NBPF14: variants seen among roughly 807,000 people sequenced by gnomAD.
NBPF14 encodes the protein NBPF family member NBPF14.
Under a neutral mutation model 91.2 loss-of-function variants are expected in NBPF14, and 104 were observed. The ratio of observed to expected loss-of-function variants is 1.14; its 90% CI spans 0.97 to 1.34. NBPF14 has a LOEUF of 1.34. Among genes scored for constraint, NBPF14 ranks in the 40% most tolerant of loss-of-function variants. The pLI is 0.00. For missense variants in NBPF14, 908 were observed against 783.0 expected (o/e 1.16, Z -1.91); for synonymous variants, 294 against 303.8 (o/e 0.97, Z 0.34).
chr1:148,534,956 A>G (rs1553332651), intron 68 of NBPF14, 100 bp from the exon 69 acceptor site: 1 of 744,406 alleles, frequency 1.3e-6, no homozygotes, highest in Non-Finnish European at 2.5e-6. Flanking sequence ...GTTTAAAAAG[A>G]AAAAGGACAG....
chr1:148,534,658 T>C (rs781963488), intron 69 of NBPF14, 26 bp downstream of exon 69: 1 of 843,960 alleles, frequency 1.2e-6, no homozygotes, highest in Non-Finnish European at 2.1e-6. Context: ...GGTGGAGGCT[T>C]ATCACCTTCA....
At chr1:148,572,444 G>A (rs1659250157) in exon 21 of NBPF14, 1 of 503,884 alleles carries the variant, frequency 2.0e-6, no homozygotes, top group Non-Finnish European at 3.4e-6. Flanking sequence ...GGTACTCACT[G>A]TCCACGTCAA....
chr1:148,591,594 T>C (rs1662484126), intron 4 of NBPF14, 90 bp from the exon 5 acceptor site: 3 of 1,577,812 alleles, frequency 1.9e-6, no homozygotes, highest in African/African-American at 2.7e-5. Context: ...TGAACATCTA[T>C]GTATGGTTCA....
chr1:148,533,780 T>G lies in NBPF14; in HGVS notation c.8723+81A>C, dbSNP rs1267042099. 3 of 763,754 alleles carry G rather than the reference T, an allele frequency of 3.9e-6. No individual in the cohort carries two copies. The African/African-American group carries it at 5.1e-5, about 13-fold the overall frequency. The allele number at this position is 763,754 out of a possible 1,614,324, so 47.3% of individuals were successfully genotyped here. A position where few individuals can be genotyped will look rare whatever the true frequency, so the allele number is the denominator to read the frequency against. ...TTCAGCCTTTGTTGAAAATATGACA[T>G]CAAACACACTCTGGTTTCCCTGAAT... On this transcript the variant is annotated intron_variant, in intron 70 of 70. Transcript: ENST00000619423.
intron 69 of NBPF14, among the ~76,000 whole-genome samples, chr1:148,534,171 C>A (rs1391835127): frequency 2.7e-5 from 4 of 149,006 alleles, no homozygotes; most frequent in Admixed American, 6.9e-5. Flanking sequence ...GGTAAAATGT[C>A]CCTATTCTAG....
chr1:148,535,256 A>T (rs1558350971), intron 68 of NBPF14, among the ~76,000 whole-genome samples, 197 bp downstream of exon 68: 2 of 150,826 alleles, frequency 1.3e-5, no homozygotes, highest in African/African-American at 4.9e-5. Context: ...TGGTCAACCT[A>T]CAGTAAGTGA....
intron 28 of NBPF14, among the ~76,000 whole-genome samples, chr1:148,566,630 C>G (rs1443922046): frequency 1.4e-5 from 2 of 139,532 alleles, no homozygotes; most frequent in African/African-American, 5.2e-5. Flanking sequence ...GAGTTAGTGC[C>G]CTCAGGACAC....
At chr1:148,559,420 T>C (rs1173384083) in intron 37 of NBPF14, among the ~76,000 whole-genome samples, 1 of 134,162 alleles carries the variant, frequency 7.5e-6, no homozygotes, top group Non-Finnish European at 1.5e-5. Flanking sequence ...TCTCATCAAA[T>C]ACTCAGATTG....
chr1:148,579,885 A>G (rs1425632889), intron 12 of NBPF14, among the ~76,000 whole-genome samples: 1 of 152,200 alleles, frequency 6.6e-6, no homozygotes, highest in African/African-American at 2.4e-5. Flanking sequence ...ACTAACACAG[A>G]GAAAGGAATA....
At chr1:148,578,953 T>G in intron 13 of NBPF14, 121 bp downstream of exon 13, 1 of 680,228 alleles carries the variant, frequency 1.5e-6, no homozygotes, top group Non-Finnish European at 2.7e-6. Flanking sequence ...TACATTGATA[T>G]ATAGGTTCAG....
At chr1:148,539,025 A>G (rs1655446249) in intron 63 of NBPF14, among the ~76,000 whole-genome samples, 1 of 14,558 alleles carries the variant, frequency 6.9e-5, no homozygotes, top group Admixed American at 5.3e-4. Flanking sequence ...TAAAGTATTC[A>G]GCCCTGTCTC....
intron 36 of NBPF14, among the ~76,000 whole-genome samples, 175 bp from the exon 37 acceptor site, chr1:148,560,140 A>C (rs1657501243): frequency 2.0e-5 from 3 of 151,222 alleles, no homozygotes; most frequent in Non-Finnish European, 4.4e-5. Flanking sequence ...GGTAGAAAAC[A>C]ATGAAAGAGA....
At chr1:148,560,078 C>G (rs1385368274) in intron 36 of NBPF14, 113 bp from the exon 37 acceptor site, 22 of 674,512 alleles carry the variant, frequency 3.3e-5, no homozygotes, top group Non-Finnish European at 5.4e-5. Context: ...AAGGACAGAT[C>G]CATTAATGAG....
At chr1:148,536,057 G>C (rs1346619500) in intron 67 of NBPF14, among the ~76,000 whole-genome samples, 167 bp downstream of exon 67, 2 of 144,674 alleles carry the variant, frequency 1.4e-5, no homozygotes, top group South Asian at 2.2e-4. Context: ...CCCATCCCTT[G>C]TCTGGGCTTC....
chr1:148,534,516 T>G (rs1189213442), intron 69 of NBPF14, among the ~76,000 whole-genome samples, 168 bp downstream of exon 69: 47 of 151,900 alleles, frequency 3.1e-4, no homozygotes, highest in South Asian at 2.1e-4. Flanking sequence ...CCATTTCATG[T>G]CTAGGCTTCC....
chr1:148,534,904 C>A (rs1654753835), intron 68 of NBPF14, 48 bp from the exon 69 acceptor site: 2 of 717,424 alleles, frequency 2.8e-6, no homozygotes, highest in Non-Finnish European at 5.1e-6. Flanking sequence ...GAATCAGAAA[C>A]CACACAGCCC....
rs1397163842 is a variant in NBPF14, at chr1:148,559,686, C to G, written c.4729+107G>C. ...ACCTACATGTGCCTATAGGTCCTCC[C>G]TGTGGCAATGACATCTCTCAGCTCA... On this transcript the variant is annotated intron_variant, in intron 37 of 70. Coordinates refer to ENST00000619423, the Ensembl canonical transcript of NBPF14. 1.5e-4 allele frequency: 101 copies of G among 678,860 alleles called. 1 individual carries two copies. Among genetic ancestry groups the G allele is most frequent in the South Asian group, 3.3e-5 (2 of 59,944 alleles). The allele number at this position is 678,860 out of a possible 1,614,324, so 42.1% of individuals were successfully genotyped here. A position where few individuals can be genotyped will look rare whatever the true frequency, so the allele number is the denominator to read the frequency against.
intron 13 of NBPF14, 113 bp downstream of exon 13, chr1:148,578,961 C>A: frequency 1.5e-6 from 1 of 670,766 alleles, no homozygotes. Context: ...TATATAGGTT[C>A]AGCCCACGGT....
Position 148,534,511 on chromosome 1 carries a change from T to A in NBPF14, c.8614+173A>T, listed in dbSNP as rs1170472378. Among the ~76,000 whole-genome samples, 863 of 151,904 alleles carry A rather than the reference T, an allele frequency of 5.7e-3. 15 individuals are homozygous for A. The highest frequency in any genetic ancestry group is 0.02 in the African/African-American group (825 of 41,330). On this transcript the variant is annotated intron_variant, in intron 69 of 70. Transcript: ENST00000619423. ...AGAGAGTCTTGCTCACTGACCCATT[T>A]CATGTCTAGGCTTCCAGCTGAGACT...
Sources: allele counts gnomAD v4.1 joint callset (sites outside exome capture counted in the v4.1 genomes callset), GRCh38; gene constraint gnomAD v4.1.1; transcripts MANE v1.5; gene names NCBI Gene and HGNC (gene_info 2026-07-23, HGNC 2026-07-21).